CHRM3: variants seen among roughly 807,000 people sequenced by gnomAD.
CHRM3 encodes the protein muscarinic acetylcholine receptor M3.
CHRM3 carries 11 observed loss-of-function variants against 41.8 expected under a neutral mutation model. The observed-to-expected ratio is 0.26, with a 90% CI of 0.17 to 0.44. The LOEUF is 0.44. Ranked by LOEUF, CHRM3 falls within the 20% of genes least tolerant of loss-of-function variation. The pLI is 1.00. For missense variants in CHRM3, 571 were observed against 745.4 expected (o/e 0.77, Z 2.72); for synonymous variants, 297 against 301.4 (o/e 0.99, Z 0.15).
intron 5 of CHRM3, among the ~76,000 whole-genome samples, chr1:239,795,805 G>T (rs1040365478): frequency 3.3e-5 from 5 of 152,176 alleles, no homozygotes; most frequent in African/African-American, 7.2e-5. Flanking sequence ...GATTTGGAGA[G>T]ATCATGTTTT....
chr1:239,769,193 A>G (rs1572233659), intron 5 of CHRM3, among the ~76,000 whole-genome samples: 1 of 152,148 alleles, frequency 6.6e-6, no homozygotes, highest in African/African-American at 2.4e-5. Flanking sequence ...TTTCCCTCCC[A>G]GGATGGGGTG....
rs190214835 is a variant in CHRM3 at position 239,872,924 on chromosome 1, G to C, written c.-19-34509G>C. ...TTCAGCTGAAAAGTTTGGCAGAACA[G>C]CCCTCCAGTTTGTATTTTTTTTTTC... On this transcript the variant is annotated intron_variant, in intron 6 of 6. Transcript: ENST00000676153. 6.6e-5 allele frequency among the ~76,000 whole-genome samples: 10 copies of C among 151,618 alleles called. No individual in the cohort carries two copies. The East Asian group carries it at 1.7e-3, about 26-fold the overall frequency.
intron 1 of CHRM3, among the ~76,000 whole-genome samples, chr1:239,432,433 G>T (rs1352247830): frequency 1.3e-5 from 2 of 152,092 alleles, no homozygotes; most frequent in Non-Finnish European, 2.9e-5. Flanking sequence ...GGTTTCATTT[G>T]TGTCTAATCT....
intron 1 of CHRM3, among the ~76,000 whole-genome samples, chr1:239,425,657 T>A (rs1395140231): frequency 1.3e-5 from 2 of 152,216 alleles, no homozygotes; most frequent in African/African-American, 4.8e-5. Flanking sequence ...ATTGTTTCAC[T>A]GAGCGAAACT....
rs187239713 is a variant in CHRM3, at chr1:239,871,945, C to T, written c.-19-35488C>T. Among the ~76,000 whole-genome samples, 606 of 152,296 alleles carry T rather than the reference C, an allele frequency of 4.0e-3. 3 individuals carry two copies. The highest frequency in any genetic ancestry group is 7.0e-3 in the Non-Finnish European group (474 of 68,036). On this transcript the variant is annotated intron_variant, in intron 6 of 6. Coordinates refer to ENST00000676153, the MANE Select transcript of CHRM3 (RefSeq NM_001375978.1). ...CATGCCCAATTTACACACAGCCTCT[C>T]TACTTCTCAGTAATTTAGACAGTTG...
chr1:239,603,632 A>C (rs1396262084), intron 3 of CHRM3, among the ~76,000 whole-genome samples: 1 of 152,094 alleles, frequency 6.6e-6, no homozygotes, highest in Non-Finnish European at 1.5e-5. Context: ...CTGGATCTAA[A>C]AACCAACCCT....
chr1:239,538,817 C>T (rs1040918143), intron 2 of CHRM3, among the ~76,000 whole-genome samples: 1 of 152,162 alleles, frequency 6.6e-6, no homozygotes, highest in Non-Finnish European at 1.5e-5. Context: ...TAGGAATCCA[C>T]CTCCTACTTT....
chr1:239,869,567 G>C (rs926800779), intron 6 of CHRM3, among the ~76,000 whole-genome samples: 2 of 152,012 alleles, frequency 1.3e-5, no homozygotes, highest in African/African-American at 4.8e-5. Flanking sequence ...CTGTGGCGTG[G>C]CCCAGCCTGG....
intron 6 of CHRM3, chr1:239,886,569 T>G (rs1678090967): frequency 6.6e-6 from 1 of 152,232 alleles, no homozygotes; most frequent in Admixed American, 6.5e-5. Context: ...TCAGAGGTTT[T>G]CCTTAAATAA....
chr1:239,759,920 A>G (rs547598087), intron 5 of CHRM3, among the ~76,000 whole-genome samples: 1 of 151,656 alleles, frequency 6.6e-6, no homozygotes, highest in East Asian at 2.0e-4. Context: ...ATTTTTATTT[A>G]TTTATTTTTT....
chr1:239,751,184 G>A (rs1665791168), intron 5 of CHRM3, among the ~76,000 whole-genome samples: 1 of 150,276 alleles, frequency 6.7e-6, no homozygotes. Context: ...GTTGCAGTGA[G>A]CCGACATCGC....
chr1:239,875,651 C>T (rs544815832), intron 6 of CHRM3, among the ~76,000 whole-genome samples: 41 of 152,154 alleles, frequency 2.7e-4, no homozygotes, highest in African/African-American at 6.5e-4. Flanking sequence ...CAACGATTTA[C>T]GTATCTCAAG....
intron 1 of CHRM3, among the ~76,000 whole-genome samples, chr1:239,407,440 A>AGAGAGAGAGAGAGC (rs1240463600): frequency 6.0e-5 from 9 of 150,296 alleles, no homozygotes; most frequent in Non-Finnish European, 7.4e-5. Flanking sequence ...AGAGAGAGAG[A>AGAGAGAGAGAGAGC]GCGCTAAATT....
At chr1:239,881,245 T>G (rs1454192974) in intron 6 of CHRM3, among the ~76,000 whole-genome samples, 1 of 110,824 alleles carries the variant, frequency 9.0e-6, no homozygotes, top group Admixed American at 1.4e-4. Context: ...ATCCCGCCCC[T>G]GCACTCCAGC....
chr1:239,605,411 G>C (rs1666128431), intron 3 of CHRM3, among the ~76,000 whole-genome samples: 1 of 152,136 alleles, frequency 6.6e-6, no homozygotes, highest in African/African-American at 2.4e-5. Context: ...GCCAAGGTGT[G>C]TAGTAAGCTA....
At chr1:239,816,374 T>C (rs1195459902) in intron 5 of CHRM3, among the ~76,000 whole-genome samples, 1 of 152,226 alleles carries the variant, frequency 6.6e-6, no homozygotes, top group African/African-American at 2.4e-5. Flanking sequence ...TACGTAATCC[T>C]GTTTTGCTGA....
At chr1:239,889,808 A>G (rs1351877369) in intron 6 of CHRM3, among the ~76,000 whole-genome samples, 3 of 152,218 alleles carry the variant, frequency 2.0e-5, no homozygotes, top group Admixed American at 6.5e-5. Flanking sequence ...AGCATCAGGC[A>G]TAATGATGGT....
intron 3 of CHRM3, among the ~76,000 whole-genome samples, chr1:239,607,204 T>C (rs186315791): frequency 1.2e-3 from 177 of 152,224 alleles, no homozygotes; most frequent in Non-Finnish European, 1.9e-3. Flanking sequence ...CCCTGCAGCA[T>C]TCACTTAATG....
chr1:239,540,599 C>T (rs760771412), intron 2 of CHRM3, among the ~76,000 whole-genome samples: 5 of 152,116 alleles, frequency 3.3e-5, no homozygotes, highest in African/African-American at 7.2e-5. Context: ...AGGAAATTTT[C>T]GTGCTCTCAA....
Sources: allele counts gnomAD v4.1 joint callset (sites outside exome capture counted in the v4.1 genomes callset), GRCh38; gene constraint gnomAD v4.1.1; transcripts MANE v1.5; gene names NCBI Gene and HGNC (gene_info 2026-07-23, HGNC 2026-07-21).